CDC25C: variants seen among roughly 807,000 people sequenced by gnomAD.
CDC25C encodes M-phase inducer phosphatase 3.
In CDC25C, 48 loss-of-function variants were observed where a neutral mutation model predicts 52.5. That is an observed-to-expected ratio of 0.91 (90% CI 0.72 to 1.16). The LOEUF (loss-of-function observed/expected upper bound fraction) is 1.16, where lower values mean the gene tolerates loss of function less well. Among genes scored for constraint, CDC25C ranks in the 50% most tolerant of loss-of-function variants. The pLI is 0.00. For missense variants in CDC25C, 510 were observed against 566.1 expected (o/e 0.90, Z 1.01); for synonymous variants, 187 against 206.5 (o/e 0.91, Z 0.81).
At chr5:138,306,318 C>T (rs1414757271) in intron 7 of CDC25C, among the ~76,000 whole-genome samples, 2 of 152,024 alleles carry the variant, frequency 1.3e-5, no homozygotes, top group Admixed American at 1.3e-4. Context: ...TTTTGTTCAC[C>T]ATCGTATCAC....
intron 7 of CDC25C, among the ~76,000 whole-genome samples, chr5:138,295,594 T>C (rs931084255): frequency 1.3e-5 from 2 of 149,898 alleles, no homozygotes; most frequent in Non-Finnish European, 3.0e-5. Flanking sequence ...GCCTGGGTGA[T>C]AGTGCAAGAT....
rs910703704 is a variant in CDC25C at position 138,325,863 on chromosome 5, G to C, written c.411C>G (p.Gly137=). 2 of 1,613,948 alleles carry C rather than the reference G, an allele frequency of 1.2e-6. No homozygotes were observed. The highest frequency in any genetic ancestry group is 1.7e-6 in the Non-Finnish European group (2 of 1,179,948). The change falls in exon 6 of 14, where the codon GGC becomes GGG. Residue 137 remains glycine, a synonymous_variant. Coordinates refer to ENST00000323760, the MANE Select transcript of CDC25C (RefSeq NM_001790.5). ...TACACATTGCATCTCTCTTTCTATG[G>C]CCACGGTCCAAACCATTCGGAGTGC... is the stretch of plus-strand genomic sequence containing the variant. ...LCSTPNGLDR[G]HRKRDAMCSS...
Position 138,314,037 on chromosome 5 carries a change from C to T in CDC25C, c.615+5182G>A, listed in dbSNP as rs191851331. On this transcript the variant is annotated intron_variant, in intron 7 of 13. Transcript: ENST00000323760. ...GAGATGGAGTCTTGCTCTGTCGCAC[C>T]CAGGCTGGAGTGCAGCGGCACAATC... 2.2e-3 allele frequency among the ~76,000 whole-genome samples: 284 copies of T among 130,538 alleles called. 3 individuals carry two copies. The highest frequency in any genetic ancestry group is 0.017 in the Middle Eastern group (3 of 178). The allele number at this position is 130,538 out of a possible 152,430, so 85.6% of individuals were successfully genotyped here.
chr5:138,332,037 G>T (rs1408912265), upstream of CDC25C: 2 of 373,436 alleles, frequency 5.4e-6, no homozygotes, highest in African/African-American at 4.4e-5. Context: ...GGCAGGCTGC[G>T]GGGTAAGCTC....
chr5:138,290,818 G>C, intron 8 of CDC25C, 78 bp from the exon 9 acceptor site: 2 of 863,876 alleles, frequency 2.3e-6, no homozygotes, highest in Non-Finnish European at 4.0e-6. Flanking sequence ...AGTGGGCCAT[G>C]GTGGCGCACA....
chr5:138,328,605 C>A, intron 3 of CDC25C, 76 bp from the exon 4 acceptor site: 1 of 1,202,584 alleles, frequency 8.3e-7, no homozygotes, highest in Non-Finnish European at 1.2e-6. Context: ...AGATTTTCTT[C>A]ATTACCAGTA....
intron 7 of CDC25C, among the ~76,000 whole-genome samples, chr5:138,307,527 G>A (rs1758111533): frequency 3.4e-5 from 5 of 145,628 alleles, no homozygotes; most frequent in Admixed American, 6.9e-5. Context: ...AGAGAAAGAA[G>A]GAAAAAAAGA....
intron 3 of CDC25C, 137 bp downstream of exon 3, chr5:138,329,416 C>A: frequency 1.6e-6 from 1 of 615,224 alleles, no homozygotes; most frequent in Non-Finnish European, 2.9e-6. Flanking sequence ...CAAAAATCCT[C>A]TAGTTACCCA....
rs1012772652 is a variant in CDC25C, at chr5:138,313,150, C to A, written c.615+6069G>T. Among the ~76,000 whole-genome samples the A allele has an allele frequency of 4.4e-4, 67 of 151,552 alleles. 1 individual carries two copies. The highest frequency in any genetic ancestry group is 1.6e-3 in the African/African-American group (64 of 41,264). On this transcript the variant is annotated intron_variant, in intron 7 of 13. Transcript: ENST00000323760. ...CAGCACTTTGGGAGGCTGAGGAGGGCAGATCACCTGAGGTCAGATATTCAA... is the reference window on the plus strand; with the variant it reads ...CAGCACTTTGGGAGGCTGAGGAGGGAAGATCACCTGAGGTCAGATATTCAA...
exon 1 of CDC25C, chr5:138,338,146 C>T (rs1266679400): frequency 1.6e-6 from 2 of 1,289,834 alleles, no homozygotes; most frequent in Non-Finnish European, 1.0e-6. Flanking sequence ...CACGGAGCTG[C>T]GCCCTCCATG....
chr5:138,287,108 C>T, intron 11 of CDC25C, 61 bp downstream of exon 11: 4 of 1,162,378 alleles, frequency 3.4e-6, no homozygotes, highest in Non-Finnish European at 5.2e-6. Context: ...TGTCCACAGA[C>T]TCTTCTCAAT....
upstream of CDC25C, among the ~76,000 whole-genome samples, chr5:138,335,651 G>A (rs1580839899): frequency 6.6e-6 from 1 of 152,298 alleles, no homozygotes; most frequent in East Asian, 1.9e-4. Flanking sequence ...ACTAAAAGTG[G>A]AATAAGGAGA....
At chr5:138,301,561 GAAAA>G (rs34491218) in intron 7 of CDC25C, among the ~76,000 whole-genome samples, 1 of 146,544 alleles carries the variant, frequency 6.8e-6, no homozygotes. Flanking sequence ...CCAGAAAATT[GAAAA>G]AAAAAGAGGG....
upstream of CDC25C, among the ~76,000 whole-genome samples, chr5:138,335,969 C>CT (rs1760673078): frequency 6.6e-6 from 1 of 151,848 alleles, no homozygotes; most frequent in Non-Finnish European, 1.5e-5. Context: ...GTACCTTTGC[C>CT]TACCATGTGG....
At chr5:138,288,965 TTAAG>T (rs1166698358) in intron 10 of CDC25C, among the ~76,000 whole-genome samples, 1 of 152,164 alleles carries the variant, frequency 6.6e-6, no homozygotes, top group African/African-American at 2.4e-5. Flanking sequence ...CCCTTTTTTC[TTAAG>T]TAATTATTAT....
At chr5:138,303,518 T>C (rs905989900) in intron 7 of CDC25C, among the ~76,000 whole-genome samples, 5 of 152,190 alleles carry the variant, frequency 3.3e-5, no homozygotes, top group African/African-American at 1.2e-4. Context: ...GCCTTCTTGC[T>C]GTCCCATAAA....
chr5:138,304,434 A>C (rs1757852457), intron 7 of CDC25C, among the ~76,000 whole-genome samples: 1 of 143,226 alleles, frequency 7.0e-6, no homozygotes, highest in Admixed American at 7.6e-5. Context: ...TCAACACCTT[A>C]GTTCAGGCTA....
At chr5:138,311,323 A>G (rs977330995) in intron 7 of CDC25C, among the ~76,000 whole-genome samples, 5 of 152,246 alleles carry the variant, frequency 3.3e-5, no homozygotes, top group African/African-American at 1.2e-4. Context: ...GCTGAGCCCA[A>G]TGGCTCACAC....
At chr5:138,294,094 C>T (rs1756983814) in intron 7 of CDC25C, among the ~76,000 whole-genome samples, 1 of 146,342 alleles carries the variant, frequency 6.8e-6, no homozygotes, top group Non-Finnish European at 1.5e-5. Flanking sequence ...GGCATGATCT[C>T]GGCTCATTGC....
Sources: allele counts gnomAD v4.1 joint callset (sites outside exome capture counted in the v4.1 genomes callset), GRCh38; gene constraint gnomAD v4.1.1; transcripts MANE v1.5; gene names NCBI Gene and HGNC (gene_info 2026-07-23, HGNC 2026-07-21).